The following GABRB3 variants were observed in gnomAD, a reference collection of about 807,000 sequenced individuals.
GABRB3 encodes gamma-aminobutyric acid type A receptor subunit beta3.
A neutral mutation model predicts 52.1 loss-of-function variants in GABRB3; 14 were observed. That is an observed-to-expected ratio of 0.27 (90% CI 0.18 to 0.42). The LOEUF is 0.42. Among genes scored for constraint, GABRB3 ranks in the 10% least tolerant of loss-of-function variants. The pLI, the probability that GABRB3 is intolerant of heterozygous loss-of-function variation, is 1.00. For synonymous variants in GABRB3, 260 were observed against 232.3 expected (o/e 1.12, Z -1.08); for missense variants, 307 against 609.1 (o/e 0.50, Z 5.22).
Position 26,723,012 on chromosome 15 carries a change from A to G in GABRB3, c.240+49390T>C, listed in dbSNP as rs566253827. Among the ~76,000 whole-genome samples, 20 of 152,314 alleles carry G rather than the reference A, an allele frequency of 1.3e-4. No individual in the cohort carries two copies. In the East Asian group the frequency reaches 3.9e-3, roughly 29 times the overall value. On this transcript the variant is annotated intron_variant, in intron 3 of 8. Coordinates refer to ENST00000311550, the MANE Select transcript of GABRB3 (RefSeq NM_000814.6). ...TAATACGAAAGCTCTCAACCTTAAG[A>G]CATTCAGAGTAGCTTCCAAAATGTC...
intron 8 of GABRB3, among the ~76,000 whole-genome samples, chr15:26,554,182 A>ACTT: frequency 3.5e-5 from 1 of 28,644 alleles, no homozygotes; most frequent in African/African-American, 1.8e-4. Context: ...TAAAGTATAT[A>ACTT]TATATATACT....
At chr15:26,619,783 T>C (rs1391016903) in intron 4 of GABRB3, among the ~76,000 whole-genome samples, 1 of 145,394 alleles carries the variant, frequency 6.9e-6, no homozygotes, top group Non-Finnish European at 1.5e-5. Flanking sequence ...TTTGTTGATA[T>C]TTGCTTTTTT....
intron 8 of GABRB3, among the ~76,000 whole-genome samples, chr15:26,556,613 A>G (rs1045195022): frequency 2.6e-5 from 4 of 152,230 alleles, no homozygotes; most frequent in African/African-American, 9.6e-5. Context: ...GTATGCACAA[A>G]TAAATTAAGG....
chr15:26,559,892 G>A (rs1014852146), intron 8 of GABRB3, among the ~76,000 whole-genome samples: 4 of 152,188 alleles, frequency 2.6e-5, no homozygotes, highest in Non-Finnish European at 1.5e-5. Flanking sequence ...CTTCCAGAAA[G>A]AGCACTGCTC....
intron 8 of GABRB3, among the ~76,000 whole-genome samples, chr15:26,558,294 T>C (rs1190608174): frequency 1.3e-5 from 2 of 152,210 alleles, no homozygotes; most frequent in Non-Finnish European, 2.9e-5. Flanking sequence ...ATTTATGCTG[T>C]GCTGAAAGGA....
intron 3 of GABRB3, among the ~76,000 whole-genome samples, chr15:26,679,876 G>C (rs1002640984): frequency 9.8e-5 from 15 of 152,298 alleles, no homozygotes; most frequent in African/African-American, 3.6e-4. Context: ...ACTGAGCCCT[G>C]ATCTGTGGCC....
intron 3 of GABRB3, among the ~76,000 whole-genome samples, chr15:26,768,180 T>G (rs1891047924): frequency 6.6e-6 from 1 of 152,152 alleles, no homozygotes; most frequent in African/African-American, 2.4e-5. Context: ...ATTTATTATT[T>G]ATACACATGA....
At chr15:26,600,979 T>C (rs1057132280) in intron 4 of GABRB3, among the ~76,000 whole-genome samples, 2 of 151,938 alleles carry the variant, frequency 1.3e-5, no homozygotes, top group African/African-American at 2.4e-5. Flanking sequence ...AAGCATAAAA[T>C]GTGTGTGGGG....
At chr15:26,722,710 C>G (rs1476104126) in intron 3 of GABRB3, among the ~76,000 whole-genome samples, 1 of 152,176 alleles carries the variant, frequency 6.6e-6, no homozygotes, top group Non-Finnish European at 1.5e-5. Flanking sequence ...AATACCATGG[C>G]TGGCCCGGGA....
intron 3 of GABRB3, among the ~76,000 whole-genome samples, chr15:26,638,744 T>C (rs1037409240): frequency 1.3e-5 from 2 of 152,190 alleles, no homozygotes; most frequent in African/African-American, 4.8e-5. Context: ...ATGTAATCAG[T>C]CTTCATGACA....
chr15:26,772,320 T>A, intron 3 of GABRB3, 82 bp downstream of exon 3: 1 of 1,282,896 alleles, frequency 7.8e-7, no homozygotes, highest in South Asian at 1.3e-5. Flanking sequence ...CGAAGAGGCC[T>A]CCGGCCCAGC....
chr15:26,602,685 G>A lies in GABRB3; in HGVS notation c.461+18629C>T, dbSNP rs568286969. Among the ~76,000 whole-genome samples the A allele has an allele frequency of 4.6e-5, 7 of 152,058 alleles. No individual in the cohort carries two copies. The East Asian group carries it at 5.8e-4, about 13-fold the overall frequency. On this transcript the variant is annotated intron_variant, in intron 4 of 8. Coordinates refer to ENST00000311550, the MANE Select transcript of GABRB3 (RefSeq NM_000814.6). ...ACCAGTGGGTCAATGAAGAAATTAA[G>A]AAAGAAACTGAAAAATGTCTTGAAA...
chr15:26,764,529 C>A (rs185228384), intron 3 of GABRB3, among the ~76,000 whole-genome samples: 29 of 152,214 alleles, frequency 1.9e-4, no homozygotes, highest in Admixed American at 7.2e-4. Context: ...AACGTTTACA[C>A]ATGGCTTCTA....
chr15:26,627,470 G>C (rs1892749688), intron 3 of GABRB3, among the ~76,000 whole-genome samples: 1 of 151,210 alleles, frequency 6.6e-6, no homozygotes, highest in East Asian at 1.9e-4. Context: ...TTCTGGAAAG[G>C]ACTAGATGTC....
intron 6 of GABRB3, among the ~76,000 whole-genome samples, chr15:26,571,612 G>C (rs974609923): frequency 3.3e-5 from 5 of 152,164 alleles, no homozygotes; most frequent in Admixed American, 2.6e-4. Flanking sequence ...TGCCATGACT[G>C]TACAGTCAAA....
intron 3 of GABRB3, among the ~76,000 whole-genome samples, chr15:26,738,388 T>G (rs935553393): frequency 1.2e-4 from 19 of 152,330 alleles, no homozygotes; most frequent in African/African-American, 4.6e-4. Flanking sequence ...CGTCCAGTCT[T>G]GGGCTTACTG....
At chr15:26,610,080 C>A (rs1320474748) in intron 4 of GABRB3, among the ~76,000 whole-genome samples, 1 of 152,192 alleles carries the variant, frequency 6.6e-6, no homozygotes, top group Non-Finnish European at 1.5e-5. Context: ...CTTCACACAT[C>A]ATGATTGCGT....
chr15:26,597,472 G>A (rs1428586261), intron 4 of GABRB3, among the ~76,000 whole-genome samples: 1 of 152,152 alleles, frequency 6.6e-6, no homozygotes, highest in African/African-American at 2.4e-5. Context: ...AGAGGAGACT[G>A]AATAGGAATT....
chr15:26,696,954 G>A (rs1387374338), intron 3 of GABRB3, among the ~76,000 whole-genome samples: 3 of 152,226 alleles, frequency 2.0e-5, no homozygotes, highest in Non-Finnish European at 2.9e-5. Flanking sequence ...TTAAGGGAAT[G>A]TCAACAAATG....
Sources: allele counts gnomAD v4.1 joint callset (sites outside exome capture counted in the v4.1 genomes callset), GRCh38; gene constraint gnomAD v4.1.1; transcripts MANE v1.5; gene names NCBI Gene and HGNC (gene_info 2026-07-23, HGNC 2026-07-21).